The following CSNK1G1 variants were observed in gnomAD, a reference collection of about 807,000 sequenced individuals.
CSNK1G1 encodes casein kinase I isoform gamma-1.
In CSNK1G1, 22 loss-of-function variants were observed where a neutral mutation model predicts 59.6. The observed-to-expected ratio is 0.37, with a 90% CI of 0.26 to 0.53. The LOEUF (loss-of-function observed/expected upper bound fraction) is 0.53. CSNK1G1 is among the 20% of genes least tolerant of loss of function. The pLI, the probability that CSNK1G1 is intolerant of heterozygous loss-of-function variation, is 0.89. For synonymous variants in CSNK1G1, 179 were observed against 177.1 expected (o/e 1.01, Z -0.08); for missense variants, 384 against 519.5 (o/e 0.74, Z 2.54).
At chr15:64,173,920 G>A (rs1242809119) in intron 11 of CSNK1G1, among the ~76,000 whole-genome samples, 1 of 152,038 alleles carries the variant, frequency 6.6e-6, no homozygotes, top group East Asian at 1.9e-4. Flanking sequence ...GGCCCAAATA[G>A]TGTTTTTCTA....
chr15:64,274,476 A>C (rs1030689266), intron 2 of CSNK1G1, among the ~76,000 whole-genome samples: 1 of 152,228 alleles, frequency 6.6e-6, no homozygotes, highest in Admixed American at 6.5e-5. Context: ...TGGACAGAAA[A>C]GTACCATTGA....
At chr15:64,312,438 A>G (rs777290925) in intron 1 of CSNK1G1, among the ~76,000 whole-genome samples, 6 of 152,234 alleles carry the variant, frequency 3.9e-5, no homozygotes, top group Non-Finnish European at 7.3e-5. Context: ...CAGTGGCCTC[A>G]GAAATAACAC....
intron 11 of CSNK1G1, among the ~76,000 whole-genome samples, chr15:64,178,538 G>A (rs2081769468): frequency 6.7e-6 from 1 of 150,338 alleles, no homozygotes; most frequent in South Asian, 2.1e-4. Context: ...ATGGAGTGCG[G>A]TGGCACAATC....
intron 2 of CSNK1G1, among the ~76,000 whole-genome samples, chr15:64,260,671 T>C (rs1489201417): frequency 2.0e-5 from 3 of 151,916 alleles, no homozygotes; most frequent in Non-Finnish European, 2.9e-5. Flanking sequence ...CCAGGAGGTG[T>C]AGGCTACAGT....
intron 10 of CSNK1G1, among the ~76,000 whole-genome samples, chr15:64,184,159 CG>C (rs1301264190): frequency 1.3e-5 from 2 of 151,594 alleles, no homozygotes; most frequent in African/African-American, 4.8e-5. Flanking sequence ...AAAAATTAGC[CG>C]GGCATGGTGG....
intron 4 of CSNK1G1, among the ~76,000 whole-genome samples, chr15:64,237,025 CAG>C (rs1426293108): frequency 6.6e-6 from 1 of 151,930 alleles, no homozygotes. Flanking sequence ...AAACCAGGCA[CAG>C]AAAGACAAAT....
At chr15:64,292,188 C>T (rs1371257640) in intron 2 of CSNK1G1, among the ~76,000 whole-genome samples, 1 of 145,468 alleles carries the variant, frequency 6.9e-6, no homozygotes, top group Admixed American at 7.1e-5. Context: ...CCAGCCTGGG[C>T]GACAGAGCGA....
chr15:64,197,521 T>C (rs893889087), intron 10 of CSNK1G1, among the ~76,000 whole-genome samples: 1 of 152,248 alleles, frequency 6.6e-6, no homozygotes, highest in Non-Finnish European at 1.5e-5. Flanking sequence ...TGCAACAGCT[T>C]TGACTCTTCC....
chr15:64,250,654 A>C (rs1892024397), intron 4 of CSNK1G1, among the ~76,000 whole-genome samples: 1 of 152,154 alleles, frequency 6.6e-6, no homozygotes, highest in Admixed American at 6.5e-5. Context: ...CTGAGGCAGG[A>C]GAACTGCTTG....
intron 2 of CSNK1G1, among the ~76,000 whole-genome samples, chr15:64,284,933 GA>G (rs1458988361): frequency 6.6e-6 from 1 of 151,898 alleles, no homozygotes; most frequent in Non-Finnish European, 1.5e-5. Context: ...CAAATTTTGT[GA>G]AAAATTCCAC....
At chr15:64,293,225 GT>G (rs1894837653) in intron 2 of CSNK1G1, among the ~76,000 whole-genome samples, 1 of 151,932 alleles carries the variant, frequency 6.6e-6, no homozygotes, top group African/African-American at 2.4e-5. Context: ...TTTCCCTTCT[GT>G]CTTAAATCTT....
At chr15:64,300,256 C>A in intron 2 of CSNK1G1, 63 bp downstream of exon 2, 2 of 1,471,422 alleles carry the variant, frequency 1.4e-6, no homozygotes, top group Non-Finnish European at 9.3e-7. Flanking sequence ...TGTCTTGAAA[C>A]ACACCAAAGC....
chr15:64,310,242 A>G (rs1207007875), intron 1 of CSNK1G1, among the ~76,000 whole-genome samples: 1 of 152,170 alleles, frequency 6.6e-6, no homozygotes, highest in Non-Finnish European at 1.5e-5. Flanking sequence ...CTATTTACAT[A>G]GGCACAAAGT....
At chr15:64,267,256 C>CAAAAAAA (rs199581105) in intron 2 of CSNK1G1, among the ~76,000 whole-genome samples, 3 of 61,820 alleles carry the variant, frequency 4.9e-5, no homozygotes, top group African/African-American at 9.6e-5. Flanking sequence ...GACCTTATCT[C>CAAAAAAA]AAAAAAAAAA....
At chr15:64,227,201 G>A (rs2082474559) in intron 4 of CSNK1G1, among the ~76,000 whole-genome samples, 2 of 152,190 alleles carry the variant, frequency 1.3e-5, no homozygotes, top group African/African-American at 4.8e-5. Context: ...GATTTAAAAT[G>A]TGCACGAATA....
intron 10 of CSNK1G1, among the ~76,000 whole-genome samples, chr15:64,201,595 A>G (rs2082108091): frequency 6.6e-6 from 1 of 152,082 alleles, no homozygotes. Context: ...CTCTCTAGTA[A>G]ATGGCTTTCC....
At chr15:64,181,526 G>A in intron 10 of CSNK1G1, 1 of 1,153,720 alleles carries the variant, frequency 8.7e-7, no homozygotes, top group South Asian at 1.6e-5. Flanking sequence ...GTTTCTTATA[G>A]GTTGATGAGA....
chr15:64,353,379 G>A (rs1425325276), intron 1 of CSNK1G1, among the ~76,000 whole-genome samples: 1 of 152,170 alleles, frequency 6.6e-6, no homozygotes, highest in East Asian at 1.9e-4. Flanking sequence ...GGGTACGGTG[G>A]CTCATGCCTG....
intron 10 of CSNK1G1, among the ~76,000 whole-genome samples, chr15:64,191,921 C>T (rs538284982): frequency 3.3e-5 from 5 of 152,214 alleles, no homozygotes; most frequent in South Asian, 2.1e-4. Flanking sequence ...GAGCTTGGAC[C>T]GGTATCTAGA....
Sources: gnomAD v4.1 joint callset for allele counts (sites outside exome capture counted in the v4.1 genomes callset) on GRCh38, gnomAD v4.1.1 for gene constraint, MANE v1.5 for transcripts, NCBI Gene and HGNC (gene_info 2026-07-23, HGNC 2026-07-21) for gene names.